DAPK2: variants seen among roughly 807,000 people sequenced by gnomAD.
The protein encoded by DAPK2 is death associated protein kinase 2.
Under a neutral mutation model 44.1 loss-of-function variants are expected in DAPK2, and 35 were observed. The ratio of observed to expected loss-of-function variants is 0.79; its 90% CI spans 0.61 to 1.05. The LOEUF (loss-of-function observed/expected upper bound fraction) is 1.05, where lower values mean the gene tolerates loss of function less well. Ranked by LOEUF, DAPK2 falls within the 50% of genes least tolerant of loss-of-function variation. The pLI, the probability that DAPK2 is intolerant of heterozygous loss-of-function variation, is 0.00. For synonymous variants in DAPK2, 174 were observed against 182.6 expected, an observed-to-expected ratio of 0.95 and a Z score of 0.38; for missense variants, 453 against 483.2, an observed-to-expected ratio of 0.94 and a Z score of 0.59.
chr15:63,989,260 G>A (rs79882161), intron 1 of DAPK2, among the ~76,000 whole-genome samples: 15,623 of 151,650 alleles, frequency 0.1, 1,110 homozygotes, highest in South Asian at 0.31. Context: ...GGATGCTGAG[G>A]TGGGAGGATG....
intron 3 of DAPK2, among the ~76,000 whole-genome samples, chr15:63,962,728 G>A (rs988601949): frequency 9.8e-5 from 15 of 152,318 alleles, no homozygotes; most frequent in African/African-American, 3.6e-4. Context: ...TTTCAGAGGG[G>A]CACCTGGCTG....
intron 3 of DAPK2, among the ~76,000 whole-genome samples, chr15:63,942,889 C>G (rs533692393): frequency 6.6e-6 from 1 of 152,194 alleles, no homozygotes; most frequent in African/African-American, 2.4e-5. Context: ...TGCTTGTCTC[C>G]CTCTACTGGG....
intron 1 of DAPK2, among the ~76,000 whole-genome samples, chr15:64,007,684 CTT>C (rs2079272401): frequency 6.6e-6 from 1 of 152,186 alleles, no homozygotes; most frequent in Non-Finnish European, 1.5e-5. Flanking sequence ...GAGAGTCCGA[CTT>C]TTTTGGCACA....
chr15:63,955,985 T>G (rs2077711365), intron 3 of DAPK2, among the ~76,000 whole-genome samples: 1 of 152,206 alleles, frequency 6.6e-6, no homozygotes, highest in South Asian at 2.1e-4. Context: ...TTGTTATTGG[T>G]GTGCAGGTTT....
intron 1 of DAPK2, among the ~76,000 whole-genome samples, chr15:63,985,745 CT>C (rs1268030148): frequency 3.3e-5 from 5 of 152,196 alleles, no homozygotes; most frequent in African/African-American, 1.2e-4. Context: ...GGCAGAAGGG[CT>C]TTTGTAAACT....
intron 1 of DAPK2, among the ~76,000 whole-genome samples, chr15:63,986,948 A>C (rs1399393793): frequency 6.6e-6 from 1 of 152,162 alleles, no homozygotes; most frequent in Non-Finnish European, 1.5e-5. Flanking sequence ...TCAGTATTAC[A>C]CTTCCCCATA....
chr15:63,955,121 C>T (rs2077688797), intron 3 of DAPK2, among the ~76,000 whole-genome samples: 1 of 152,160 alleles, frequency 6.6e-6, no homozygotes, highest in Admixed American at 6.5e-5. Context: ...CTCTTCCTGT[C>T]CAATTTGGAC....
At chr15:63,998,225 C>T (rs1181107214) in intron 1 of DAPK2, among the ~76,000 whole-genome samples, 1 of 152,194 alleles carries the variant, frequency 6.6e-6, no homozygotes, top group Non-Finnish European at 1.5e-5. Flanking sequence ...GCAGGCTGCC[C>T]TTCCCTGCCC....
chr15:63,965,379 C>T (rs563536659), intron 3 of DAPK2, among the ~76,000 whole-genome samples: 1 of 152,376 alleles, frequency 6.6e-6, no homozygotes, highest in African/African-American at 2.4e-5. Flanking sequence ...CTGTGGCCAT[C>T]ACCACTGGGA....
At chr15:64,031,475 C>G (rs1436519074) in intron 1 of DAPK2, among the ~76,000 whole-genome samples, 3 of 152,152 alleles carry the variant, frequency 2.0e-5, no homozygotes, top group Non-Finnish European at 4.4e-5. Context: ...TCAAGCAATC[C>G]TCCCACCTCG....
intron 1 of DAPK2, among the ~76,000 whole-genome samples, chr15:63,997,049 C>T (rs914786506): frequency 1.3e-5 from 2 of 152,164 alleles, no homozygotes; most frequent in African/African-American, 4.8e-5. Flanking sequence ...TACACCTCTC[C>T]CATCCAGCCC....
chr15:64,006,855 A>C (rs1475773701), intron 1 of DAPK2, among the ~76,000 whole-genome samples: 1 of 152,200 alleles, frequency 6.6e-6, no homozygotes, highest in Non-Finnish European at 1.5e-5. Flanking sequence ...GGCCAAGTAC[A>C]GATTACATCA....
In DAPK2 at chr15:63,908,531, T is replaced by C. The variant is rs752354265; in HGVS notation, c.1102A>G (p.Ser368Gly). The change falls in exon 11 of 11, where the codon AGC becomes GGC. Residue 368 changes from serine (S) to glycine (G), a missense_variant. Transcript: ENST00000261891. The surrounding 1 kb of genome is among the most constrained non-coding windows in gnomAD (Gnocchi z 5.7). ...GCAGGTCAGGCCAGTTAGGAGGTGC[T>C]GCTCCTCCTCCGTGGGTGGAGGGCT... 1.3e-6 allele frequency: 2 copies of C among 1,595,894 alleles called. No individual in the cohort carries two copies. The highest frequency in any genetic ancestry group is 1.7e-6 in the Non-Finnish European group (2 of 1,172,268).
At chr15:63,991,583 G>A (rs2078820053) in intron 1 of DAPK2, among the ~76,000 whole-genome samples, 1 of 127,370 alleles carries the variant, frequency 7.9e-6, no homozygotes, top group Non-Finnish European at 1.9e-5. Flanking sequence ...GAGGCATCCA[G>A]AGCCCACCCA....
chr15:63,936,767 T>C (rs548527164), intron 4 of DAPK2, among the ~76,000 whole-genome samples: 2 of 151,868 alleles, frequency 1.3e-5, no homozygotes, highest in Admixed American at 1.3e-4. Context: ...ATCACTTGAA[T>C]CCGGGAGTTT....
chr15:64,023,060 T>C (rs1000857348), intron 1 of DAPK2, among the ~76,000 whole-genome samples: 10 of 152,240 alleles, frequency 6.6e-5, no homozygotes, highest in Admixed American at 5.2e-4. Flanking sequence ...TCTCTTTTAG[T>C]TGCTGCCATC....
chr15:64,043,917 A>G (rs1336687583), upstream of DAPK2, among the ~76,000 whole-genome samples: 1 of 152,164 alleles, frequency 6.6e-6, no homozygotes, highest in African/African-American at 2.4e-5. Context: ...ATTTTAACTT[A>G]GTTCCCCAGC....
At chr15:63,967,253 G>A (rs2078079516) in intron 3 of DAPK2, among the ~76,000 whole-genome samples, 1 of 152,120 alleles carries the variant, frequency 6.6e-6, no homozygotes, top group Admixed American at 6.6e-5. Context: ...CTGGTTTTTG[G>A]TTCTTACAAA....
chr15:64,025,037 G>A (rs2079799428), intron 1 of DAPK2, among the ~76,000 whole-genome samples: 1 of 152,188 alleles, frequency 6.6e-6, no homozygotes, highest in African/African-American at 2.4e-5. Context: ...AGGCTCCCCA[G>A]TAAACCACCA....
Sources: allele counts gnomAD v4.1 joint callset (sites outside exome capture counted in the v4.1 genomes callset), GRCh38; gene constraint gnomAD v4.1.1; non-coding constraint Gnocchi (gnomAD v3.1); transcripts MANE v1.5; gene names NCBI Gene and HGNC (gene_info 2026-07-23, HGNC 2026-07-21).